LRP2: variants seen among roughly 807,000 people sequenced by gnomAD.
LRP2 encodes the protein low-density lipoprotein receptor-related protein 2.
A neutral mutation model predicts 531.0 loss-of-function variants in LRP2; 172 were observed. The ratio of observed to expected loss-of-function variants is 0.32; its 90% CI spans 0.29 to 0.37. The LOEUF (loss-of-function observed/expected upper bound fraction) is 0.37. LRP2 is among the 10% of genes least tolerant of loss of function. The pLI is 1.00. For missense variants in LRP2, 5,167 were observed against 5,868.3 expected (o/e 0.88, Z 3.90); for synonymous variants, 1,992 against 2,027.6 (o/e 0.98, Z 0.47).
At chr2:169,141,426 G>A (rs1018556800) in intron 71 of LRP2, among the ~76,000 whole-genome samples, 3 of 152,110 alleles carry the variant, frequency 2.0e-5, no homozygotes, top group African/African-American at 7.2e-5. Flanking sequence ...CACACAGGGG[G>A]TTTTGTCTGT....
chr2:169,176,334 C>T, intron 54 of LRP2, 77 bp downstream of exon 54: 1 of 1,565,356 alleles, frequency 6.4e-7, no homozygotes, highest in Non-Finnish European at 8.8e-7. Context: ...AGAAAACTCC[C>T]ATCCCTTGGA....
chr2:169,346,167 A>G (rs974144061), intron 1 of LRP2, among the ~76,000 whole-genome samples: 1 of 152,362 alleles, frequency 6.6e-6, no homozygotes, highest in African/African-American at 2.4e-5. Context: ...CAGGGAAACG[A>G]AAGTGTTCAA....
chr2:169,154,367 C>T, intron 66 of LRP2, 93 bp downstream of exon 66: 1 of 1,195,522 alleles, frequency 8.4e-7, no homozygotes, highest in Non-Finnish European at 1.2e-6. Context: ...CAACAAAATT[C>T]ACTCATTAAA....
At chr2:169,190,447 ACCT>A (rs1212558290) in intron 48 of LRP2, among the ~76,000 whole-genome samples, 1 of 151,660 alleles carries the variant, frequency 6.6e-6, no homozygotes, top group African/African-American at 2.4e-5. Flanking sequence ...CTGCTCCTTC[ACCT>A]CCTCCTTCTT....
intron 26 of LRP2, 131 bp from the exon 27 acceptor site, chr2:169,238,433 G>A (rs893661840): frequency 2.9e-6 from 2 of 690,700 alleles, no homozygotes; most frequent in African/African-American, 1.8e-5. Flanking sequence ...AAGTTGGTGG[G>A]GAGGGGAGGA....
intron 4 of LRP2, among the ~76,000 whole-genome samples, chr2:169,305,910 T>A (rs1271105823): frequency 6.6e-6 from 1 of 152,148 alleles, no homozygotes; most frequent in Admixed American, 6.5e-5. Flanking sequence ...TTCAGGTTTG[T>A]AGCCTAGGAG....
At chr2:169,171,979 G>A (rs1687022614) in intron 58 of LRP2, 36 bp downstream of exon 58, 3 of 1,613,074 alleles carry the variant, frequency 1.9e-6, no homozygotes, top group Non-Finnish European at 2.5e-6. Context: ...CACAGCTCTG[G>A]TGGTATATAA....
chr2:169,277,840 A>T lies in LRP2; in HGVS notation c.1677T>A (p.Pro559=). The stretch of plus-strand genomic sequence containing the variant: ...ATATCATATCCAGAGTTACCCCAGC[A>T]GGCCATCCCAGCTTTGTTTTCACCA... ...KDLVKTKLGW[P]AGVTLDMISK... The change falls in exon 13 of 79, where the codon CCT becomes CCA. Residue 559 remains proline (P), a synonymous_variant. Coordinates refer to ENST00000649046, the MANE Select transcript of LRP2 (RefSeq NM_004525.3). 6.2e-7 allele frequency: 1 copy of T among 1,614,170 alleles called. No homozygotes were observed. Among genetic ancestry groups the T allele is most frequent in the South Asian group, 1.1e-5 (1 of 91,082 alleles).
Position 169,362,471 on chromosome 2 carries a change from C to T in LRP2, c.-72G>A. ...CGCGCGTAGCACACCGCACCGGCAG[C>T]GCCTCTGCTAGCGAACGCTCCTTTA... On this transcript the variant is annotated 5_prime_UTR_variant, in exon 1 of 79. Coordinates refer to ENST00000649046, the MANE Select transcript of LRP2 (RefSeq NM_004525.3). 1 of 1,334,240 alleles carries T rather than the reference C, an allele frequency of 7.5e-7. No individual in the cohort carries two copies. Among genetic ancestry groups the T allele is most frequent in the South Asian group, 1.3e-5 (1 of 79,966 alleles). 82.7% of individuals were successfully genotyped at this position (1,334,240 alleles called of 1,614,324 possible). A position where few individuals can be genotyped will look rare whatever the true frequency, so the allele number is the denominator to read the frequency against.
At chr2:169,308,102 G>C (rs755329970) in intron 3 of LRP2, among the ~76,000 whole-genome samples, 1 of 151,980 alleles carries the variant, frequency 6.6e-6, no homozygotes, top group Non-Finnish European at 1.5e-5. Context: ...ATTTTAAATT[G>C]TCTACATACA....
rs765920078 is a variant in LRP2 at position 169,197,030 on chromosome 2, G to A, written c.8579C>T (p.Thr2860Ile). Residue 2860 changes from threonine (T) to isoleucine (I), a missense_variant and splice_region_variant, in exon 46 of 79, where the codon ACC becomes ATC. This residue lies in a region of LRP2 where 1,129 missense variants were observed against 1,362.7 expected (regional missense o/e 0.83). Transcript: ENST00000649046. ...CTCACTGCTGCTGCACGTGTGAGTG[G>A]CTGCAGGAGGGAAAGAAGATAAAAC... The part of the protein sequence containing the change: ...DNSDENPTYC[T>I]THTCSSSEFQ... 4 of 1,613,726 alleles carry A rather than the reference G, an allele frequency of 2.5e-6. No homozygotes were observed. Among genetic ancestry groups the A allele is most frequent in the Non-Finnish European group, 3.4e-6 (4 of 1,179,970 alleles).
At chr2:169,248,993 G>A (rs1489704810) in intron 19 of LRP2, among the ~76,000 whole-genome samples, 1 of 12,584 alleles carries the variant, frequency 7.9e-5, no homozygotes, top group African/African-American at 4.0e-4. Flanking sequence ...TACGCCCACG[G>A]AATCTCGCTG....
intron 31 of LRP2, among the ~76,000 whole-genome samples, chr2:169,230,690 G>T (rs1297923491): frequency 6.6e-6 from 1 of 152,140 alleles, no homozygotes; most frequent in Admixed American, 6.5e-5. Context: ...AAGCAATAAG[G>T]AATTATATTT....
chr2:169,211,882 C>T, intron 37 of LRP2, 86 bp downstream of exon 37: 1 of 1,535,624 alleles, frequency 6.5e-7, no homozygotes, highest in Non-Finnish European at 9.0e-7. Context: ...ACTGAATCCA[C>T]ACATGAAGAA....
chr2:169,299,563 C>A (rs947796626), intron 4 of LRP2, among the ~76,000 whole-genome samples: 1 of 150,884 alleles, frequency 6.6e-6, no homozygotes, highest in Non-Finnish European at 1.5e-5. Flanking sequence ...CTCACACAAG[C>A]TCTATTACAA....
intron 52 of LRP2, 152 bp from the exon 53 acceptor site, chr2:169,178,178 A>T: frequency 1.5e-6 from 1 of 664,364 alleles, no homozygotes; most frequent in African/African-American, 1.8e-5. Context: ...TAATTAAAAC[A>T]AAAATTAAAC....
At chr2:169,330,367 G>A (rs1685232568) in intron 1 of LRP2, among the ~76,000 whole-genome samples, 1 of 152,170 alleles carries the variant, frequency 6.6e-6, no homozygotes, top group African/African-American at 2.4e-5. Flanking sequence ...TGTACTACTT[G>A]AGCAGCCTCT....
In LRP2 at chr2:169,173,979, A is replaced by G; in HGVS notation, c.10954T>C (p.Trp3652Arg). The stretch of plus-strand genomic sequence containing the variant: ...CAATCATTATCCACATCACACTTCC[A>G]GGCCTGCGGGATGCAGCGGCCATTA... ...CANGRCIPQA[W>R]KCDVDNDCGD... The change falls in exon 56 of 79, where the codon TGG becomes CGG. Residue 3652 changes from tryptophan (W) to arginine (R), a missense_variant. By Grantham distance (101) the Trp-to-Arg change is moderately radical. Transcript: ENST00000649046. 6.2e-7 allele frequency: 1 copy of G among 1,614,156 alleles called. No homozygotes were observed. The highest frequency in any genetic ancestry group is 1.1e-5 in the South Asian group (1 of 91,086).
At chr2:169,295,870 C>T (rs895340216) in intron 4 of LRP2, among the ~76,000 whole-genome samples, 3 of 152,048 alleles carry the variant, frequency 2.0e-5, no homozygotes, top group African/African-American at 7.2e-5. Context: ...TGACCATCTT[C>T]TTCATGAAAG....
Sources: gnomAD v4.1 joint callset for allele counts (sites outside exome capture counted in the v4.1 genomes callset) on GRCh38, gnomAD v4.1.1 for gene constraint, gnomAD v4.1.1 regional missense constraint, MANE v1.5 for transcripts, NCBI Gene and HGNC (gene_info 2026-07-23, HGNC 2026-07-21) for gene names.